MIPOL1: variants seen among roughly 807,000 people sequenced by gnomAD.
MIPOL1 encodes mirror-image polydactyly 1, also known as mirror-image polydactyly gene 1 protein.
A neutral mutation model predicts 60.9 loss-of-function variants in MIPOL1; 57 were observed. The observed-to-expected ratio is 0.94, with a 90% CI of 0.76 to 1.17. The LOEUF is 1.17. MIPOL1 is among the 50% of genes most tolerant of loss of function. The pLI is 0.00. For missense variants in MIPOL1, 551 were observed against 511.6 expected, an observed-to-expected ratio of 1.08 and a Z score of -0.74; for synonymous variants, 179 against 168.8, an observed-to-expected ratio of 1.06 and a Z score of -0.47.
At chr14:37,546,792 G>T in intron 12 of MIPOL1, 113 bp from the exon 13 acceptor site, 1 of 774,760 alleles carries the variant, frequency 1.3e-6, no homozygotes, top group South Asian at 1.7e-5. Flanking sequence ...TTCTTAACAT[G>T]ACCGTGAGGA....
chr14:37,342,214 T>A (rs1203684235), intron 9 of MIPOL1, among the ~76,000 whole-genome samples: 1 of 151,752 alleles, frequency 6.6e-6, no homozygotes, highest in Admixed American at 6.6e-5. Flanking sequence ...ATACAAAAAT[T>A]AGCTGAGCAC....
At chr14:37,253,860 A>G (rs1974494141) in intron 3 of MIPOL1, among the ~76,000 whole-genome samples, 1 of 151,774 alleles carries the variant, frequency 6.6e-6, no homozygotes, top group Non-Finnish European at 1.5e-5. Context: ...TCCAGTTGCA[A>G]TAAAAATCTC....
At chr14:37,515,083 G>A (rs1186481486) in intron 12 of MIPOL1, among the ~76,000 whole-genome samples, 2 of 152,164 alleles carry the variant, frequency 1.3e-5, no homozygotes, top group Middle Eastern at 3.4e-3. Flanking sequence ...TCCTTTGCTT[G>A]TTTCAGTGTA....
chr14:37,278,825 T>G lies in MIPOL1; in HGVS notation c.494-6493T>G, dbSNP rs145149492. The G allele has an allele frequency of 1.8e-4, 28 of 151,930 alleles. No homozygotes were observed. The East Asian group carries it at 4.1e-3, about 22-fold the overall frequency. The allele number at this position is 151,930 out of a possible 1,614,324, so 9.4% of individuals were successfully genotyped here. A position where few individuals can be genotyped will look rare whatever the true frequency, so the allele number is the denominator to read the frequency against. ...GATTTGCCAATAGACTTGGGTCTAC[T>G]AAGAAAATATGTACTCTGCCTTGAC... On this transcript the variant is annotated intron_variant, in intron 6 of 12. Transcript: ENST00000684589.
intron 9 of MIPOL1, among the ~76,000 whole-genome samples, chr14:37,337,079 CT>C (rs1368829157): frequency 6.6e-6 from 1 of 151,398 alleles, no homozygotes; most frequent in African/African-American, 2.4e-5. Flanking sequence ...ACTAATGGGT[CT>C]TTTTTTTCCC....
rs535861707 is a variant in MIPOL1 at position 37,224,811 on chromosome 14, C to T, written c.-198-22292C>T. On this transcript the variant is annotated intron_variant, in intron 1 of 12. Coordinates refer to ENST00000684589, the MANE Select transcript of MIPOL1 (RefSeq NM_001388067.1). ...CTCATTTCATCATTAACTCAAATGT[C>T]CACAGTCCAAAGCCTTAACTGTTAC... 1.3e-4 allele frequency among the ~76,000 whole-genome samples: 20 copies of T among 152,314 alleles called. 1 individual carries two copies. Among genetic ancestry groups the T allele is most frequent in the Admixed American group, 1.2e-3 (19 of 15,306 alleles).
chr14:37,370,570 A>C (rs1022915530), intron 10 of MIPOL1, among the ~76,000 whole-genome samples: 7 of 152,180 alleles, frequency 4.6e-5, no homozygotes, highest in Admixed American at 3.9e-4. Context: ...CATGTACCAA[A>C]ATTGAGGAAA....
intron 11 of MIPOL1, among the ~76,000 whole-genome samples, chr14:37,482,559 A>G (rs1283371334): frequency 6.6e-6 from 1 of 152,168 alleles, no homozygotes; most frequent in Non-Finnish European, 1.5e-5. Context: ...CCTTCTTCAC[A>G]TGGTGGCAGG....
Position 37,403,084 on chromosome 14 carries a change from G to A in MIPOL1, c.937-19771G>A, listed in dbSNP as rs111611637. Among the ~76,000 whole-genome samples, 325 of 152,284 alleles carry A rather than the reference G, an allele frequency of 2.1e-3. 2 individuals are homozygous for A. The highest frequency in any genetic ancestry group is 7.3e-3 in the African/African-American group (303 of 41,560). On this transcript the variant is annotated intron_variant, in intron 10 of 12. Coordinates refer to ENST00000684589, the MANE Select transcript of MIPOL1 (RefSeq NM_001388067.1). ...GAAAGGAGGGCTTCCCAATATCAGG[G>A]TGGAAGATATTTACTCTCACTGCTA... is the stretch of plus-strand genomic sequence containing the variant.
At chr14:37,536,928 A>G (rs2095508847) in intron 12 of MIPOL1, among the ~76,000 whole-genome samples, 1 of 152,196 alleles carries the variant, frequency 6.6e-6, no homozygotes, top group East Asian at 1.9e-4. Context: ...GTACATAAGT[A>G]TTGAATTGGG....
intron 11 of MIPOL1, among the ~76,000 whole-genome samples, chr14:37,434,276 A>G (rs2094126965): frequency 6.6e-6 from 1 of 152,168 alleles, no homozygotes; most frequent in Admixed American, 6.5e-5. Context: ...CATTTCTCTA[A>G]TGACCAATGG....
At chr14:37,382,462 T>C (rs183188542) in intron 10 of MIPOL1, among the ~76,000 whole-genome samples, 2 of 152,086 alleles carry the variant, frequency 1.3e-5, no homozygotes, top group African/African-American at 4.8e-5. Context: ...TCATTAGAGA[T>C]TACATAAAAT....
rs148972767 is a variant in MIPOL1 at position 37,428,977 on chromosome 14, T to G, written c.1031+6028T>G. Among the ~76,000 whole-genome samples, 24 of 152,302 alleles carry G rather than the reference T, an allele frequency of 1.6e-4. No homozygotes were observed. The East Asian group carries it at 3.7e-3, about 23-fold the overall frequency. ...GGAGAGGACTAACAATACAAAGATT[T>G]AAAATAAATTCCACATATTATAAAA... On this transcript the variant is annotated intron_variant, in intron 11 of 12. Coordinates refer to ENST00000684589, the MANE Select transcript of MIPOL1 (RefSeq NM_001388067.1).
At chr14:37,266,389 G>A (rs1398119731) in intron 3 of MIPOL1, among the ~76,000 whole-genome samples, 1 of 152,072 alleles carries the variant, frequency 6.6e-6, no homozygotes, top group Non-Finnish European at 1.5e-5. Context: ...TCTGTAATAG[G>A]CTGGCATTAG....
chr14:37,547,754 T>G lies in MIPOL1; in HGVS notation c.*783T>G, dbSNP rs1197528751. ...GTCTCTGTCATTTTTGCTTGAAAATTAGCATGCCTCTGTCTTAAAAGAGAC... is the reference window on the plus strand; with the variant it reads ...GTCTCTGTCATTTTTGCTTGAAAATGAGCATGCCTCTGTCTTAAAAGAGAC... On this transcript the variant is annotated 3_prime_UTR_variant, in exon 13 of 13. Transcript: ENST00000684589. The G allele has an allele frequency of 6.6e-6, 1 of 152,422 alleles. No homozygotes were observed. The highest frequency in any genetic ancestry group is 1.5e-5 in the Non-Finnish European group (1 of 67,938). The allele number at this position is 152,422 out of a possible 1,614,324, so 9.4% of individuals were successfully genotyped here. A position where few individuals can be genotyped will look rare whatever the true frequency, so the allele number is the denominator to read the frequency against.
intron 10 of MIPOL1, among the ~76,000 whole-genome samples, chr14:37,406,675 G>A (rs539178718): frequency 2.0e-4 from 30 of 152,194 alleles, no homozygotes; most frequent in Admixed American, 5.9e-4. Context: ...TTTCTTGTGC[G>A]TAATTTGTTT....
At chr14:37,222,222 C>CTT (rs201521182) in intron 1 of MIPOL1, among the ~76,000 whole-genome samples, 2 of 140,124 alleles carry the variant, frequency 1.4e-5, no homozygotes, top group East Asian at 4.1e-4. Context: ...GAAAACATTG[C>CTT]TTTTTTTTTT....
At chr14:37,483,422 A>G (rs78247555) in intron 11 of MIPOL1, among the ~76,000 whole-genome samples, 2,587 of 151,922 alleles carry the variant, frequency 0.017, 64 homozygotes, top group African/African-American at 0.059. Context: ...GCCAACAACA[A>G]TCCTTCTTTC....
intron 11 of MIPOL1, among the ~76,000 whole-genome samples, chr14:37,477,759 C>T (rs1049473391): frequency 6.6e-6 from 1 of 152,168 alleles, no homozygotes; most frequent in South Asian, 2.1e-4. Flanking sequence ...CTTTTCTGTG[C>T]GTACCCAGAT....
Sources: allele counts gnomAD v4.1 joint callset (sites outside exome capture counted in the v4.1 genomes callset), GRCh38; gene constraint gnomAD v4.1.1; transcripts MANE v1.5; gene names NCBI Gene and HGNC (gene_info 2026-07-23, HGNC 2026-07-21).